The following ARMC12 variants were observed in gnomAD, a reference collection of about 807,000 sequenced individuals.
ARMC12 encodes the protein armadillo repeat-containing protein 12.
In ARMC12, 25 loss-of-function variants were observed where a neutral mutation model predicts 37.4. The ratio of observed to expected loss-of-function variants is 0.67; its 90% CI spans 0.49 to 0.93. The LOEUF is 0.93. Among genes scored for constraint, ARMC12 ranks in the 40% least tolerant of loss-of-function variants. The pLI is 0.00. For missense variants in ARMC12, 384 were observed against 426.6 expected, an observed-to-expected ratio of 0.90 and a Z score of 0.88; for synonymous variants, 167 against 176.1, an observed-to-expected ratio of 0.95 and a Z score of 0.41.
chr6:35,747,785 A>T (rs2151048537), intron 5 of ARMC12, 138 bp downstream of exon 5: 1 of 871,780 alleles, frequency 1.1e-6, no homozygotes, highest in East Asian at 2.7e-5. Flanking sequence ...ATGCACTGAA[A>T]ATCATGCCTC....
At chr6:35,741,176 G>T (rs6936778) in intron 3 of ARMC12, among the ~76,000 whole-genome samples, 1 of 151,994 alleles carries the variant, frequency 6.6e-6, no homozygotes, top group Admixed American at 6.6e-5. Flanking sequence ...CCACTTGCCC[G>T]TTGTTAGGCA....
chr6:35,748,297 T>C (rs1431615360), intron 5 of ARMC12, among the ~76,000 whole-genome samples: 1 of 152,206 alleles, frequency 6.6e-6, no homozygotes, highest in African/African-American at 2.4e-5. Context: ...AGTCACACAC[T>C]AAGCCTTAAA....
At chr6:35,742,566 C>T (rs1309126189) in intron 3 of ARMC12, among the ~76,000 whole-genome samples, 1 of 148,452 alleles carries the variant, frequency 6.7e-6, no homozygotes, top group Non-Finnish European at 1.5e-5. Flanking sequence ...TTTCACAAAT[C>T]CCCCAGGAAA....
Position 35,737,223 on chromosome 6 carries a change from A to G in ARMC12, c.115A>G (p.Ile39Val), listed in dbSNP as rs1561918233. ...GCTCTACAAGGCCATCAAGGCTGGC[A>G]TAAAATGCAAACCACCCCTCTGTAG... is the stretch of plus-strand genomic sequence containing the variant. ...YLLYKAIKAGIKCKPPLCSNS... is the reference protein window; with the variant it reads ...YLLYKAIKAGVKCKPPLCSNS... Residue 39 changes from isoleucine (I) to valine (V), a missense_variant, in exon 1 of 6, where the codon ATA (isoleucine) becomes GTA (valine). Transcript: ENST00000373866. 1 of 1,614,272 alleles carries G rather than the reference A, an allele frequency of 6.2e-7. No homozygotes were observed. The highest frequency in any genetic ancestry group is 8.5e-7 in the Non-Finnish European group (1 of 1,180,044).
In ARMC12 at chr6:35,738,057, G is replaced by A. The variant is rs202136403; in HGVS notation, c.194G>A (p.Arg65Gln). ...GCAGTCGAGCGAGAGCGGCACGGGC[G>A]GGACTCAGGTGAGCTCCGGAGGCTC... Reference protein sequence around the residue: ...RLAVERERHGRDSGELRRLLN... With the variant: ...RLAVERERHGQDSGELRRLLN... Residue 65 changes from arginine to glutamine, a missense_variant, in exon 2 of 6, where the codon CGG becomes CAG. Coordinates refer to ENST00000373866, the MANE Select transcript of ARMC12 (RefSeq NM_001286574.2). 275 of 1,613,922 alleles carry A rather than the reference G, an allele frequency of 1.7e-4. 1 individual carries two copies. The highest frequency in any genetic ancestry group is 8.0e-4 in the Admixed American group (48 of 60,026).
chr6:35,741,789 C>T (rs1039630084), intron 3 of ARMC12, among the ~76,000 whole-genome samples: 5 of 152,046 alleles, frequency 3.3e-5, no homozygotes, highest in African/African-American at 1.2e-4. Flanking sequence ...TCAAAATATG[C>T]ACAACTATGA....
intron 3 of ARMC12, among the ~76,000 whole-genome samples, chr6:35,739,351 C>T (rs376981698): frequency 6.6e-6 from 1 of 152,194 alleles, no homozygotes; most frequent in Non-Finnish European, 1.5e-5. Flanking sequence ...CATCTAAAGA[C>T]GTGATTAACT....
At position 35,747,359 on chromosome 6, in the gene ARMC12, CTA is replaced by C; in HGVS notation, c.545_546del (p.Tyr182CysfsTer39). ...RLLNNLPLPD[Y>X]VHPQLRRVMP... ...TCCTCAACAACCTTCCACTGCCCGA[CTA>C]TGTGCATCCACAGCTGCGACGGGTG... On this transcript the variant is annotated frameshift_variant, in exon 4 of 6. Transcript: ENST00000373866. LOFTEE classifies it high-confidence loss of function. 1 of 1,614,230 alleles carries C rather than the reference CTA, an allele frequency of 6.2e-7. No homozygotes were observed. The highest frequency in any genetic ancestry group is 8.5e-7 in the Non-Finnish European group (1 of 1,180,038).
chr6:35,737,066 C>CT lies in ARMC12; in HGVS notation c.-41dup. ...GTTCCGGAAGGCCCCCCACAGGTGC[C>CT]TTGGGCCTAGCTCTCACCTGGGCCC... On this transcript the variant is annotated 5_prime_UTR_variant, in exon 1 of 6. Coordinates refer to ENST00000373866, the MANE Select transcript of ARMC12 (RefSeq NM_001286574.2). 2.5e-6 allele frequency: 4 copies of CT among 1,607,782 alleles called. No homozygotes were observed. Among genetic ancestry groups the CT allele is most frequent in the Non-Finnish European group, 3.4e-6 (4 of 1,175,764 alleles).
In ARMC12 at chr6:35,744,900, G is replaced by A. The variant is rs188831713; in HGVS notation, c.445-2361G>A. On this transcript the variant is annotated intron_variant, in intron 3 of 5. Coordinates refer to ENST00000373866, the MANE Select transcript of ARMC12 (RefSeq NM_001286574.2). ...TAATATCACCAGCCATTAGGGAAATGCAATGAAGACCATGCTGAGATATTA... is the reference window on the plus strand; with the variant it reads ...TAATATCACCAGCCATTAGGGAAATACAATGAAGACCATGCTGAGATATTA... Among the ~76,000 whole-genome samples, 325 of 152,318 alleles carry A rather than the reference G, an allele frequency of 2.1e-3. 8 individuals carry two copies. Among genetic ancestry groups the A allele is most frequent in the Admixed American group, 0.013 (204 of 15,308 alleles).
At chr6:35,745,820 C>T (rs1301932854) in intron 3 of ARMC12, among the ~76,000 whole-genome samples, 1 of 152,102 alleles carries the variant, frequency 6.6e-6, no homozygotes, top group East Asian at 1.9e-4. Context: ...CCGAAGTGGG[C>T]ATATTACCTA....
Position 35,738,481 on chromosome 6 carries a change from CT to C in ARMC12, c.410del (p.Phe137SerfsTer21), listed in dbSNP as rs754520117. On this transcript the variant is annotated frameshift_variant, in exon 3 of 6. Coordinates refer to ENST00000373866, the MANE Select transcript of ARMC12 (RefSeq NM_001286574.2). LOFTEE classifies it high-confidence loss of function. ...VKTQALNTLK[A>X]FSGIRKFRLK... ...ACCCAAGCTCTGAATACACTTAAAG[CT>C]TTCTCTGGCATCAGAAAATTCAGGC... 1 of 1,614,030 alleles carries C rather than the reference CT, an allele frequency of 6.2e-7. No homozygotes were observed. The highest frequency in any genetic ancestry group is 8.5e-7 in the Non-Finnish European group (1 of 1,180,018).
At chr6:35,732,912 G>A (rs1255022746), upstream of ARMC12, among the ~76,000 whole-genome samples, 3 of 152,230 alleles carry the variant, frequency 2.0e-5, no homozygotes, top group African/African-American at 4.8e-5. Flanking sequence ...GGTGGCGTAA[G>A]CCTGTAATCC....
chr6:35,740,406 C>T (rs1767129236), intron 3 of ARMC12, among the ~76,000 whole-genome samples: 1 of 152,088 alleles, frequency 6.6e-6, no homozygotes, highest in Non-Finnish European at 1.5e-5. Flanking sequence ...ACGCTCCGCT[C>T]CCCCATCAGC....
intron 2 of ARMC12, 21 bp downstream of exon 2, chr6:35,738,193 C>A (rs756673876): frequency 8.7e-6 from 14 of 1,606,964 alleles, no homozygotes; most frequent in Non-Finnish European, 1.1e-5. Flanking sequence ...CAGGAGGTCC[C>A]CCCTAGCCGG....
upstream of ARMC12, among the ~76,000 whole-genome samples, chr6:35,734,303 G>C (rs1260398845): frequency 6.6e-6 from 1 of 152,050 alleles, no homozygotes; most frequent in East Asian, 1.9e-4. Context: ...GGGACTACAG[G>C]CACGCACCAC....
chr6:35,745,155 C>CA (rs1322553573), intron 3 of ARMC12, among the ~76,000 whole-genome samples: 1 of 152,088 alleles, frequency 6.6e-6, no homozygotes, highest in East Asian at 1.9e-4. Context: ...TATATCTGCA[C>CA]AAAAACCAGT....
chr6:35,732,033 C>T (rs1425166950), upstream of ARMC12, among the ~76,000 whole-genome samples: 2 of 151,886 alleles, frequency 1.3e-5, no homozygotes, highest in South Asian at 2.1e-4. Flanking sequence ...ATCCTGTGCC[C>T]GTCGCCGGAT....
upstream of ARMC12, chr6:35,733,999 A>G (rs1766895515): frequency 6.6e-6 from 1 of 152,202 alleles, no homozygotes; most frequent in Non-Finnish European, 1.5e-5. Context: ...TGGCTCTCAG[A>G]CTTCTTTTTA....
Sources: gnomAD v4.1 joint callset for allele counts (sites outside exome capture counted in the v4.1 genomes callset) on GRCh38, gnomAD v4.1.1 for gene constraint, MANE v1.5 for transcripts, NCBI Gene and HGNC (gene_info 2026-07-23, HGNC 2026-07-21) for gene names.